MAN1A2: variants seen among roughly 807,000 people sequenced by gnomAD.
MAN1A2 encodes the protein mannosidase alpha class 1A member 2.
Under a neutral mutation model 75.7 loss-of-function variants are expected in MAN1A2, and 26 were observed. The observed-to-expected ratio is 0.34, with a 90% CI of 0.25 to 0.48. The LOEUF is 0.48. Among genes scored for constraint, MAN1A2 ranks in the 20% least tolerant of loss-of-function variants. MAN1A2 has a pLI of 0.99. For synonymous variants in MAN1A2, 247 were observed against 264.6 expected (o/e 0.93, Z 0.65); for missense variants, 562 against 775.5 (o/e 0.72, Z 3.27).
intron 6 of MAN1A2, among the ~76,000 whole-genome samples, chr1:117,458,506 TATATAGATATATA>T (rs1649684070): frequency 2.0e-5 from 2 of 100,828 alleles, no homozygotes; most frequent in African/African-American, 7.9e-5. Context: ...TCTATATATA[TATATAGATATATA>T]TATATTTTTT....
At chr1:117,520,965 T>C (rs1453904164) in intron 12 of MAN1A2, among the ~76,000 whole-genome samples, 3 of 151,868 alleles carry the variant, frequency 2.0e-5, no homozygotes, top group Admixed American at 6.6e-5. Context: ...TGTATAAAAA[T>C]AGGCACACAG....
chr1:117,433,681 G>A (rs991668194), intron 5 of MAN1A2, among the ~76,000 whole-genome samples: 7 of 151,880 alleles, frequency 4.6e-5, no homozygotes, highest in Non-Finnish European at 1.0e-4. Flanking sequence ...TCTAAATTCT[G>A]TGTAGCCAGG....
chr1:117,454,337 C>T (rs1295498349), intron 6 of MAN1A2, among the ~76,000 whole-genome samples: 2 of 152,066 alleles, frequency 1.3e-5, no homozygotes, highest in African/African-American at 2.4e-5. Flanking sequence ...AGAAACATGA[C>T]GTCTGAAAAT....
chr1:117,520,570 A>G (rs1168214223), intron 12 of MAN1A2, among the ~76,000 whole-genome samples: 3 of 152,024 alleles, frequency 2.0e-5, no homozygotes, highest in African/African-American at 7.2e-5. Context: ...CTTTTACAAT[A>G]ACTGCAAAAA....
chr1:117,402,847 T>A (rs919761833), intron 2 of MAN1A2, among the ~76,000 whole-genome samples: 39 of 152,210 alleles, frequency 2.6e-4, no homozygotes, highest in East Asian at 5.8e-4. Flanking sequence ...TAGCATTATA[T>A]CTCCAATTTT....
At chr1:117,470,001 A>G (rs1650097905) in intron 8 of MAN1A2, among the ~76,000 whole-genome samples, 1 of 152,118 alleles carries the variant, frequency 6.6e-6, no homozygotes, top group Non-Finnish European at 1.5e-5. Flanking sequence ...AGAGACTCAA[A>G]CAGATACTTG....
intron 6 of MAN1A2, among the ~76,000 whole-genome samples, chr1:117,454,872 G>T (rs1025654757): frequency 1.3e-5 from 2 of 152,152 alleles, no homozygotes; most frequent in Non-Finnish European, 2.9e-5. Context: ...ATATATAAAG[G>T]TCTACTGTGG....
chr1:117,388,748 T>C (rs1186786799), intron 1 of MAN1A2, among the ~76,000 whole-genome samples: 1 of 152,184 alleles, frequency 6.6e-6, no homozygotes, highest in East Asian at 1.9e-4. Flanking sequence ...TATTAAACTG[T>C]ATCAGATGCC....
chr1:117,438,579 A>G (rs893185428), intron 5 of MAN1A2, among the ~76,000 whole-genome samples: 2 of 152,230 alleles, frequency 1.3e-5, no homozygotes, highest in African/African-American at 4.8e-5. Context: ...GACTCGCCAG[A>G]GAATTTTCAG....
At chr1:117,373,030 C>G (rs1274963183) in intron 1 of MAN1A2, among the ~76,000 whole-genome samples, 1 of 152,174 alleles carries the variant, frequency 6.6e-6, no homozygotes, top group Admixed American at 6.5e-5. Context: ...TCACTCAAAC[C>G]TGTGCGCTGT....
chr1:117,371,255 C>T (rs1348577083), intron 1 of MAN1A2, among the ~76,000 whole-genome samples: 1 of 152,104 alleles, frequency 6.6e-6, no homozygotes, highest in South Asian at 2.1e-4. Context: ...ATACTAGGAT[C>T]TTATTGTCTA....
At chr1:117,518,804 A>G (rs1651791526) in intron 12 of MAN1A2, among the ~76,000 whole-genome samples, 1 of 152,062 alleles carries the variant, frequency 6.6e-6, no homozygotes, top group African/African-American at 2.4e-5. Flanking sequence ...CAAAGAAACA[A>G]TGGATTTAAA....
At chr1:117,512,750 T>TACACACACATACACACAC (rs1553241971) in intron 12 of MAN1A2, among the ~76,000 whole-genome samples, 1 of 143,766 alleles carries the variant, frequency 7.0e-6, no homozygotes, top group East Asian at 2.1e-4. Flanking sequence ...GGCACTGGGA[T>TACACACACATACACACAC]ACACACACAC....
intron 8 of MAN1A2, among the ~76,000 whole-genome samples, chr1:117,490,956 AAG>A (rs1365199799): frequency 2.0e-5 from 3 of 152,054 alleles, no homozygotes; most frequent in Non-Finnish European, 4.4e-5. Context: ...TGTGAATGCT[AAG>A]AGAGGTGAGG....
chr1:117,433,194 A>G (rs1648731203), intron 5 of MAN1A2, among the ~76,000 whole-genome samples: 1 of 152,068 alleles, frequency 6.6e-6, no homozygotes, highest in Admixed American at 6.5e-5. Context: ...AAATGCTCCA[A>G]AATCCTAAAC....
At chr1:117,507,202 C>T (rs1051568019) in intron 12 of MAN1A2, among the ~76,000 whole-genome samples, 3 of 151,496 alleles carry the variant, frequency 2.0e-5, no homozygotes, top group Non-Finnish European at 4.4e-5. Context: ...AGGCACAGCA[C>T]CTTGGAATTT....
intron 12 of MAN1A2, among the ~76,000 whole-genome samples, chr1:117,503,269 G>C (rs975128): frequency 1.3e-5 from 2 of 151,316 alleles, no homozygotes; most frequent in Non-Finnish European, 3.0e-5. Context: ...CCACACTCAC[G>C]AAGTTTCAGT....
chr1:117,502,138 T>C (rs1405370833), intron 11 of MAN1A2, among the ~76,000 whole-genome samples: 1 of 151,786 alleles, frequency 6.6e-6, no homozygotes, highest in African/African-American at 2.4e-5. Flanking sequence ...AGCAAATTAC[T>C]CTGTGCCTCA....
At chr1:117,514,648 C>T (rs1651656705) in intron 12 of MAN1A2, among the ~76,000 whole-genome samples, 1 of 152,024 alleles carries the variant, frequency 6.6e-6, no homozygotes, top group South Asian at 2.1e-4. Context: ...GTGGCTTTGT[C>T]CATAAAACAT....
Sources: gnomAD v4.1 joint callset for allele counts (sites outside exome capture counted in the v4.1 genomes callset) on GRCh38, gnomAD v4.1.1 for gene constraint, MANE v1.5 for transcripts, NCBI Gene and HGNC (gene_info 2026-07-23, HGNC 2026-07-21) for gene names.